The following HACL1 variants were observed in gnomAD, a reference collection of about 807,000 sequenced individuals.
HACL1 encodes the protein 1600020H07Rik.
HACL1 carries 64 observed loss-of-function variants against 74.2 expected under a neutral mutation model. The ratio of observed to expected loss-of-function variants is 0.86; its 90% CI spans 0.70 to 1.06. HACL1 has a LOEUF of 1.06. Ranked by LOEUF, HACL1 falls within the 50% of genes least tolerant of loss-of-function variation. The pLI, the probability that HACL1 is intolerant of heterozygous loss-of-function variation, is 0.00. For synonymous variants in HACL1, 230 were observed against 238.8 expected (o/e 0.96, Z 0.34); for missense variants, 728 against 719.7 (o/e 1.01, Z -0.13).
At chr3:15,579,089 T>C (rs976806201) in intron 9 of HACL1, among the ~76,000 whole-genome samples, 3 of 152,218 alleles carry the variant, frequency 2.0e-5, no homozygotes, top group African/African-American at 7.2e-5. Context: ...CGATTTGTAG[T>C]CAAGCTAATC....
chr3:15,592,119 T>G (rs115871182), intron 3 of HACL1, among the ~76,000 whole-genome samples: 1 of 148,032 alleles, frequency 6.8e-6, no homozygotes, highest in Non-Finnish European at 1.5e-5. Flanking sequence ...ATACACACTA[T>G]ATACGTATAC....
chr3:15,572,289 T>C (rs2063549673), intron 11 of HACL1, among the ~76,000 whole-genome samples: 1 of 152,206 alleles, frequency 6.6e-6, no homozygotes, highest in Non-Finnish European at 1.5e-5. Context: ...CATGGAAGGC[T>C]TTTGTTTGGT....
chr3:15,592,230 G>A (rs1251076047), intron 3 of HACL1, among the ~76,000 whole-genome samples: 5 of 116,818 alleles, frequency 4.3e-5, no homozygotes, highest in Non-Finnish European at 6.4e-5. Context: ...GTATACATAC[G>A]TATATACGTA....
chr3:15,598,518 A>G (rs974389361), intron 2 of HACL1, among the ~76,000 whole-genome samples: 2 of 152,198 alleles, frequency 1.3e-5, no homozygotes, highest in Admixed American at 1.3e-4. Context: ...TAAAATGAAA[A>G]TAATTCAAAG....
chr3:15,592,651 CATG>C (rs2063966994), intron 3 of HACL1, among the ~76,000 whole-genome samples: 1 of 58 alleles, frequency 0.017, no homozygotes, highest in Non-Finnish European at 0.033. Flanking sequence ...CGTGTATACA[CATG>C]TACGCACATG....
chr3:15,563,507 C>G lies in HACL1; in HGVS notation c.1555G>C (p.Glu519Gln). Reference sequence around the variant, plus strand: ...CCTCCAAATGCAGTCATGACTTGCTCATAATGTGAATTTGGCAGCAAACAC... The same window carrying G: ...CCTCCAAATGCAGTCATGACTTGCTGATAATGTGAATTTGGCAGCAAACAC... ...PMCLLPNSHY[E>Q]QVMTAFGGKG... The change falls in exon 16 of 17, where the codon GAG (glutamate) becomes CAG (glutamine). Residue 519 changes from glutamate (E) to glutamine (Q), a missense_variant. Coordinates refer to ENST00000321169, the MANE Select transcript of HACL1 (RefSeq NM_012260.4). 1 of 1,612,416 alleles carries G rather than the reference C, an allele frequency of 6.2e-7. No homozygotes were observed. Among genetic ancestry groups the G allele is most frequent in the Admixed American group, 1.7e-5 (1 of 59,960 alleles).
At chr3:15,569,556 T>C (rs138818506) in intron 12 of HACL1, among the ~76,000 whole-genome samples, 2,758 of 152,158 alleles carry the variant, frequency 0.018, 208 homozygotes, top group Admixed American at 0.12. Context: ...GTGCGGTGGC[T>C]CACGCCTGTA....
At chr3:15,575,761 G>A (rs1054320496) in intron 9 of HACL1, among the ~76,000 whole-genome samples, 4 of 151,868 alleles carry the variant, frequency 2.6e-5, no homozygotes, top group South Asian at 2.1e-4. Flanking sequence ...GGCTAGTCTC[G>A]AACTCCTGGT....
intron 14 of HACL1, among the ~76,000 whole-genome samples, chr3:15,567,206 C>CTTTT (rs34317560): frequency 9.9e-5 from 8 of 81,120 alleles, no homozygotes; most frequent in Non-Finnish European, 1.4e-4. Flanking sequence ...GCCATGCTGC[C>CTTTT]TTTTTTTTTT....
intron 6 of HACL1, 67 bp downstream of exon 6, chr3:15,586,458 A>G (rs1032578336): frequency 1.2e-6 from 1 of 818,834 alleles, no homozygotes; most frequent in African/African-American, 1.7e-5. Flanking sequence ...GAGAATAAAA[A>G]TAACAGTAAG....
At chr3:15,585,190 A>G in intron 7 of HACL1, 58 bp downstream of exon 7, 1 of 817,420 alleles carries the variant, frequency 1.2e-6, no homozygotes, top group African/African-American at 1.7e-5. Context: ...CTAAAAAGGT[A>G]GGCATTATGA....
At position 15,586,615 on chromosome 3, in the gene HACL1, T is replaced by A; in HGVS notation, c.382-13A>T. ...TACAAGCTTCAACCTACATGGAAAA[T>A]GAAAATCACTTAAAATTCAGCTCAC... On this transcript the variant is annotated splice_polypyrimidine_tract_variant and intron_variant, in intron 5 of 16. Transcript: ENST00000321169. 1 of 1,465,444 alleles carries A rather than the reference T, an allele frequency of 6.8e-7. No homozygotes were observed. The allele number at this position is 1,465,444 out of a possible 1,614,324, so 90.8% of individuals were successfully genotyped here. A position where few individuals can be genotyped will look rare whatever the true frequency, so the allele number is the denominator to read the frequency against.
At chr3:15,598,182 G>A (rs1428224239) in intron 2 of HACL1, among the ~76,000 whole-genome samples, 1 of 151,914 alleles carries the variant, frequency 6.6e-6, no homozygotes, top group Non-Finnish European at 1.5e-5. Context: ...GCACCACCAC[G>A]CCTGGCTAAT....
chr3:15,601,135 G>A lies in HACL1; in HGVS notation c.141C>T (p.Ala47=), dbSNP rs1163620170. The change falls in exon 2 of 17, where the codon GCC becomes GCT. Residue 47 remains alanine (A), a synonymous_variant. Transcript: ENST00000321169. ...CGATGTACTTGATGCCTAGCTGCTG[G>A]GCAGCAATGGCGATTTCGGTCACTG... ...GIPVTEIAIA[A]QQLGIKYIGM... The A allele has an allele frequency of 5.6e-6, 9 of 1,613,572 alleles. No homozygotes were observed. Among genetic ancestry groups the A allele is most frequent in the African/African-American group, 1.3e-5 (1 of 74,884 alleles).
At chr3:15,601,284 C>T in intron 1 of HACL1, 90 bp from the exon 2 acceptor site, 3 of 1,575,632 alleles carry the variant, frequency 1.9e-6, no homozygotes, top group Non-Finnish European at 1.7e-6. Context: ...AAGGAAAACC[C>T]CCCGACCCCC....
intron 1 of HACL1, 51 bp from the exon 2 acceptor site, chr3:15,601,245 C>T: frequency 6.5e-7 from 1 of 1,540,046 alleles, no homozygotes; most frequent in Non-Finnish European, 9.0e-7. Context: ...ACCATATCGC[C>T]ACATCCTTCC....
Position 15,601,548 on chromosome 3 carries a change from C to T in HACL1, c.-85G>A. 4 of 1,604,690 alleles carry T rather than the reference C, an allele frequency of 2.5e-6. No individual in the cohort carries two copies. Among genetic ancestry groups the T allele is most frequent in the Non-Finnish European group, 3.4e-6 (4 of 1,179,464 alleles). The stretch of plus-strand genomic sequence containing the variant: ...AGGCAAACGCGAAATCGGCAGCACG[C>T]CACCTCTGGTACTGCACCTCTGACG... On this transcript the variant is annotated 5_prime_UTR_variant, in exon 1 of 17. Transcript: ENST00000321169.
chr3:15,561,920 T>C (rs1158182309), intron 16 of HACL1, among the ~76,000 whole-genome samples: 1 of 152,198 alleles, frequency 6.6e-6, no homozygotes. Flanking sequence ...CCTCAAGTGA[T>C]CCGCCCACCT....
intron 2 of HACL1, 43 bp from the exon 3 acceptor site, chr3:15,596,467 T>C (rs1368582500): frequency 8.1e-7 from 1 of 1,236,714 alleles, no homozygotes; most frequent in Admixed American, 1.7e-5. Context: ...TTGGGATCCT[T>C]ATAGTACATT....
Sources: gnomAD v4.1 joint callset for allele counts (sites outside exome capture counted in the v4.1 genomes callset) on GRCh38, gnomAD v4.1.1 for gene constraint, MANE v1.5 for transcripts, NCBI Gene and HGNC (gene_info 2026-07-23, HGNC 2026-07-21) for gene names.